Variants in ABCD3 observed in about 807,000 individuals in gnomAD.
ABCD3 encodes the protein ATP-binding cassette sub-family D member 3.
A neutral mutation model predicts 105.5 loss-of-function variants in ABCD3; 41 were observed. That is an observed-to-expected ratio of 0.39 (90% confidence interval 0.30 to 0.50). The LOEUF is 0.50. ABCD3 is among the 20% of genes least tolerant of loss of function. The pLI is 0.84. For synonymous variants in ABCD3, 258 were observed against 269.0 expected, an observed-to-expected ratio of 0.96 and a Z score of 0.40; for missense variants, 622 against 806.3, an observed-to-expected ratio of 0.77 and a Z score of 2.77.
chr1:94,415,883 C>T (rs1197575736), upstream of ABCD3, among the ~76,000 whole-genome samples: 4 of 152,170 alleles, frequency 2.6e-5, no homozygotes, highest in Non-Finnish European at 2.9e-5. Context: ...CACAATTCCT[C>T]TGCTGTATAG....
chr1:94,429,959 G>T (rs7523712), intron 1 of ABCD3, among the ~76,000 whole-genome samples: 4 of 152,228 alleles, frequency 2.6e-5, no homozygotes, highest in Admixed American at 2.0e-4. Context: ...ATGCCAGCCC[G>T]TGAAAGCAGC....
intron 1 of ABCD3, among the ~76,000 whole-genome samples, chr1:94,425,535 G>A (rs372691399): frequency 6.6e-6 from 1 of 152,108 alleles, no homozygotes; most frequent in South Asian, 2.1e-4. Context: ...AACTTCCTTG[G>A]AATAAATTGC....
At chr1:94,491,358 C>T (rs1649528185) in intron 16 of ABCD3, 111 bp downstream of exon 16, 1 of 783,206 alleles carries the variant, frequency 1.3e-6, no homozygotes, top group African/African-American at 1.8e-5. Flanking sequence ...TCTCTGAATC[C>T]ACAGAATTGC....
In ABCD3 at chr1:94,501,781, A is replaced by C. The variant is rs1051376606; in HGVS notation, c.1740+2167A>C. 3.3e-5 allele frequency among the ~76,000 whole-genome samples: 5 copies of C among 152,326 alleles called. No individual in the cohort carries two copies. In the East Asian group the frequency reaches 5.8e-4, roughly 18 times the overall value. ...AAAAGTATATATGATGGAAAAGTGGAATATTTATTTAAGTATAAATTGGGC... is the reference window on the plus strand; with the variant it reads ...AAAAGTATATATGATGGAAAAGTGGCATATTTATTTAAGTATAAATTGGGC... On this transcript the variant is annotated intron_variant, in intron 20 of 22. Transcript: ENST00000370214.
upstream of ABCD3, among the ~76,000 whole-genome samples, chr1:94,416,511 G>A (rs191011935): frequency 1.3e-5 from 2 of 152,104 alleles, no homozygotes; most frequent in East Asian, 1.9e-4. Flanking sequence ...ACTTAATTAC[G>A]TAAATTATGT....
intron 1 of ABCD3, among the ~76,000 whole-genome samples, chr1:94,438,465 T>C (rs1037594988): frequency 6.6e-6 from 1 of 152,202 alleles, no homozygotes; most frequent in Non-Finnish European, 1.5e-5. Context: ...GGATTTACAA[T>C]ATTACATAAA....
chr1:94,515,801 C>A (rs1425118599), intron 22 of ABCD3, among the ~76,000 whole-genome samples: 2 of 151,708 alleles, frequency 1.3e-5, no homozygotes, highest in Non-Finnish European at 3.0e-5. Flanking sequence ...CAGTTTAATT[C>A]TCTTTATTTT....
intron 3 of ABCD3, 63 bp from the exon 4 acceptor site, chr1:94,467,856 G>A (rs1036903825): frequency 8.4e-7 from 1 of 1,195,684 alleles, no homozygotes; most frequent in Non-Finnish European, 1.2e-6. Context: ...TGTTACCAAG[G>A]TAATATTTCT....
intron 1 of ABCD3, among the ~76,000 whole-genome samples, chr1:94,448,256 G>A (rs1660433416): frequency 6.6e-6 from 1 of 152,156 alleles, no homozygotes; most frequent in Non-Finnish European, 1.5e-5. Flanking sequence ...TGGAAAAATT[G>A]TTGTCTCTCT....
At chr1:94,444,246 T>A (rs1471776296) in intron 1 of ABCD3, among the ~76,000 whole-genome samples, 1 of 149,444 alleles carries the variant, frequency 6.7e-6, no homozygotes, top group Non-Finnish European at 1.5e-5. Context: ...GCAGGAGAAT[T>A]GCTTGAACCT....
chr1:94,467,756 CT>C (rs1402298901), intron 3 of ABCD3, among the ~76,000 whole-genome samples, 162 bp from the exon 4 acceptor site: 1 of 152,080 alleles, frequency 6.6e-6, no homozygotes. Context: ...CTTGCGTTCC[CT>C]TTAAACTATA....
chr1:94,486,142 A>G lies in ABCD3; in HGVS notation c.898-1400A>G, dbSNP rs1340572369. 2.0e-4 allele frequency among the ~76,000 whole-genome samples: 30 copies of G among 152,168 alleles called. 1 individual carries two copies. Reference sequence around the variant, plus strand: ...AGGAGGCGGAGGTTGCATTGAGCCAAGATGGCACCACTGCACTCCAGCCTT... The same window carrying G: ...AGGAGGCGGAGGTTGCATTGAGCCAGGATGGCACCACTGCACTCCAGCCTT... On this transcript the variant is annotated intron_variant, in intron 10 of 22. Coordinates refer to ENST00000370214, the MANE Select transcript of ABCD3 (RefSeq NM_002858.4).
At chr1:94,418,661 C>A (rs936359917) in intron 1 of ABCD3, 73 bp downstream of exon 1, 1 of 1,465,290 alleles carries the variant, frequency 6.8e-7, no homozygotes, top group Non-Finnish European at 9.2e-7. Flanking sequence ...TCTCCCCACC[C>A]GGCCGACAGG....
chr1:94,394,093 T>G, the ABCD3 span, among the ~76,000 whole-genome samples: 1 of 152,218 alleles, frequency 6.6e-6, no homozygotes. Context: ...GCCTCAACCA[T>G]TGGACCCACA....
intron 9 of ABCD3, chr1:94,482,643 A>C (rs1243067004): frequency 6.3e-6 from 1 of 157,850 alleles, no homozygotes; most frequent in African/African-American, 2.4e-5. Context: ...GAAACGTGGA[A>C]TTGTTGTGAG....
chr1:94,418,046 G>A (rs927928319), upstream of ABCD3, among the ~76,000 whole-genome samples: 11 of 152,188 alleles, frequency 7.2e-5, no homozygotes, highest in African/African-American at 2.4e-4. Context: ...CGCGGGAGTG[G>A]AGAGGCAGGG....
At chr1:94,435,828 C>A (rs1240951267) in intron 1 of ABCD3, among the ~76,000 whole-genome samples, 1 of 152,190 alleles carries the variant, frequency 6.6e-6, no homozygotes, top group African/African-American at 2.4e-5. Flanking sequence ...CTAAAAGTGA[C>A]CAGTGAGTTC....
At chr1:94,502,699 CAT>C (rs1391477859) in intron 20 of ABCD3, among the ~76,000 whole-genome samples, 1 of 151,978 alleles carries the variant, frequency 6.6e-6, no homozygotes, top group Non-Finnish European at 1.5e-5. Context: ...GGGGTTTCAC[CAT>C]GTTGGCCAGG....
Position 94,512,904 on chromosome 1 carries a change from T to C in ABCD3, c.1846-2242T>C, listed in dbSNP as rs1173995831. On this transcript the variant is annotated intron_variant, in intron 21 of 22. Transcript: ENST00000370214. The stretch of plus-strand genomic sequence containing the variant: ...GGGAGTTCTCAATAAATAAAAAAGG[T>C]CATATTGAGTATATATATTATGAAT... Among the ~76,000 whole-genome samples, 3 of 152,054 alleles carry C rather than the reference T, an allele frequency of 2.0e-5. No individual in the cohort carries two copies. The East Asian group carries it at 5.8e-4, about 29-fold the overall frequency.
Sources: gnomAD v4.1 joint callset for allele counts (sites outside exome capture counted in the v4.1 genomes callset) on GRCh38, gnomAD v4.1.1 for gene constraint, MANE v1.5 for transcripts, NCBI Gene and HGNC (gene_info 2026-07-23, HGNC 2026-07-21) for gene names.